ZNF700: variants seen among roughly 807,000 people sequenced by gnomAD.
ZNF700 encodes the protein zinc finger protein 700.
ZNF700 carries 38 observed loss-of-function variants against 65.3 expected under a neutral mutation model. That is an observed-to-expected ratio of 0.58 (90% confidence interval 0.45 to 0.76). The LOEUF (loss-of-function observed/expected upper bound fraction) is 0.76. Ranked by LOEUF, ZNF700 falls within the 30% of genes least tolerant of loss-of-function variation. ZNF700 has a pLI of 0.00. For synonymous variants in ZNF700, 285 were observed against 290.4 expected (o/e 0.98, Z 0.19); for missense variants, 857 against 888.4 (o/e 0.96, Z 0.45).
rs1973023674 is a variant in ZNF700, at chr19:11,949,460, G to A, written c.1436G>A (p.Cys479Tyr). ...TGEKPYECKE[C>Y]GKAFRYVKHL... ...GAGAAACCCTATGAATGTAAGGAAT[G>A]TGGGAAAGCCTTCAGATATGTGAAG... The change falls in exon 4 of 4, where the codon TGT becomes TAT. Residue 479 changes from cysteine to tyrosine, a missense_variant. Cys to Tyr is a radical substitution (Grantham distance 194). This residue lies in a region of ZNF700 where 603 missense variants were observed against 619.9 expected (regional missense o/e 0.97). Coordinates refer to ENST00000254321, the MANE Select transcript of ZNF700 (RefSeq NM_144566.3). The A allele has an allele frequency of 6.2e-7, 1 of 1,613,108 alleles. No individual in the cohort carries two copies. Among genetic ancestry groups the A allele is most frequent in the African/African-American group, 1.3e-5 (1 of 74,774 alleles).
rs1192127015 is a variant in ZNF700, at chr19:11,925,160, A to C, written c.-51A>C. The C allele has an allele frequency of 1.6e-5, 26 of 1,604,168 alleles. No homozygotes were observed. In the Admixed American group the frequency reaches 3.5e-4, roughly 22 times the overall value. On this transcript the variant is annotated 5_prime_UTR_variant, in exon 1 of 4. Transcript: ENST00000254321. ...GTTGGTAACCGGTCAGACCAGCCCG[A>C]GAGGGACCTGGTGCCTGTACCCAGG...
At chr19:11,935,272 T>A (rs1468919223) in intron 1 of ZNF700, among the ~76,000 whole-genome samples, 1 of 139,712 alleles carries the variant, frequency 7.2e-6, no homozygotes, top group Non-Finnish European at 1.5e-5. Context: ...TGTCTGGCTC[T>A]GTTGCCCAGT....
In ZNF700 at chr19:11,948,717, C is replaced by T. The variant is rs1973003750; in HGVS notation, c.693C>T (p.Phe231=). The T allele has an allele frequency of 1.2e-6, 2 of 1,613,116 alleles. No individual in the cohort carries two copies. Among genetic ancestry groups the T allele is most frequent in the Admixed American group, 3.4e-5 (2 of 59,602 alleles). Residue 231 remains phenylalanine (F), a synonymous_variant, in exon 4 of 4, where the codon TTC becomes TTT. Transcript: ENST00000254321. ...AATGTAAATTTTGTGGGAAAGCCTT[C>T]CATTCTTTCAGTTTATATCTTATCC... is the stretch of plus-strand genomic sequence containing the variant. The part of the protein sequence containing the change: ...TYKCKFCGKA[F]HSFSLYLIHE...
chr19:11,943,608 C>T (rs1307616862), intron 1 of ZNF700, among the ~76,000 whole-genome samples: 6 of 152,090 alleles, frequency 3.9e-5, no homozygotes, highest in African/African-American at 4.8e-5. Context: ...CACATCAGGT[C>T]GGGCATTTCC....
At chr19:11,939,534 G>T (rs192776323) in intron 1 of ZNF700, among the ~76,000 whole-genome samples, 1 of 152,286 alleles carries the variant, frequency 6.6e-6, no homozygotes, top group East Asian at 1.9e-4. Flanking sequence ...TCAGATGGTT[G>T]TATATGTGTG....
intron 1 of ZNF700, chr19:11,926,842 A>G (rs1395237842): frequency 1.3e-5 from 2 of 153,004 alleles, no homozygotes; most frequent in Non-Finnish European, 2.9e-5. Flanking sequence ...TCAAGATTTC[A>G]GTTGGAAGAG....
At chr19:11,933,000 G>A (rs1972738026) in intron 1 of ZNF700, among the ~76,000 whole-genome samples, 2 of 148,598 alleles carry the variant, frequency 1.3e-5, no homozygotes, top group Admixed American at 1.3e-4. Flanking sequence ...TGGAATGATA[G>A]TTAATTCACT....
chr19:11,926,226 C>G (rs1972625207), intron 1 of ZNF700, among the ~76,000 whole-genome samples: 1 of 152,154 alleles, frequency 6.6e-6, no homozygotes, highest in South Asian at 2.1e-4. Context: ...TATCTTCTTG[C>G]CACAAGCAGT....
At chr19:11,930,215 C>T (rs1471777170) in intron 1 of ZNF700, among the ~76,000 whole-genome samples, 1 of 148,480 alleles carries the variant, frequency 6.7e-6, no homozygotes, top group Non-Finnish European at 1.5e-5. Context: ...AGACACATGG[C>T]CAATCAGCTA....
chr19:11,925,325 A>AGGCGGGAACCGGCTGT (rs1338907208), intron 1 of ZNF700, 52 bp downstream of exon 1: 2 of 1,602,054 alleles, frequency 1.2e-6, no homozygotes, highest in East Asian at 4.5e-5. Context: ...TGCCTGGAAC[A>AGGCGGGAACCGGCTGT]GGCGGGAACC....
chr19:11,927,627 A>G (rs1212976534), intron 1 of ZNF700, among the ~76,000 whole-genome samples: 2 of 152,160 alleles, frequency 1.3e-5, no homozygotes, highest in Non-Finnish European at 2.9e-5. Flanking sequence ...CAGCATCACA[A>G]AATTTATTAC....
chr19:11,930,020 A>G lies in ZNF700; in HGVS notation c.63+4747A>G. On this transcript the variant is annotated intron_variant, in intron 1 of 3. Coordinates refer to ENST00000254321, the MANE Select transcript of ZNF700 (RefSeq NM_144566.3). ...TTTTAGAACTGCCTGTAGCTGACCCAAGACCCCCACAATTGCCATGTCTCT... is the reference window on the plus strand; with the variant it reads ...TTTTAGAACTGCCTGTAGCTGACCCGAGACCCCCACAATTGCCATGTCTCT... Among the ~76,000 whole-genome samples, 2 of 147,876 alleles carry G rather than the reference A, an allele frequency of 1.4e-5. 1 individual carries two copies. Among genetic ancestry groups the G allele is most frequent in the African/African-American group, 5.3e-5 (2 of 37,676 alleles).
At chr19:11,929,619 G>C (rs1972684750) in intron 1 of ZNF700, among the ~76,000 whole-genome samples, 2 of 147,936 alleles carry the variant, frequency 1.4e-5, no homozygotes, top group African/African-American at 5.3e-5. Context: ...AGGGTCCTTA[G>C]GTAGGACCTT....
chr19:11,950,004 C>A lies in ZNF700; in HGVS notation c.1980C>A (p.Phe660Leu). ...CKECEKAFCK[F>L]SSFQIHERKH... is the part of the protein sequence containing the mutation. ...AATGCGAAAAAGCATTCTGTAAATT[C>A]TCTTCTTTTCAAATACATGAAAGGA... The change falls in exon 4 of 4, where the codon TTC (phenylalanine) becomes TTA (leucine). Residue 660 changes from phenylalanine to leucine, a missense_variant. Transcript: ENST00000254321. 2 of 1,613,910 alleles carry A rather than the reference C, an allele frequency of 1.2e-6. No individual in the cohort carries two copies.
intron 1 of ZNF700, among the ~76,000 whole-genome samples, chr19:11,934,951 C>T (rs1048744360): frequency 4.1e-5 from 6 of 147,106 alleles, no homozygotes; most frequent in Non-Finnish European, 7.4e-5. Flanking sequence ...GAGGCCAAGG[C>T]GGGTGGATCA....
At chr19:11,946,406 T>C (rs984993574) in intron 1 of ZNF700, among the ~76,000 whole-genome samples, 2 of 152,124 alleles carry the variant, frequency 1.3e-5, no homozygotes, top group African/African-American at 4.8e-5. Context: ...TCCTCTGACA[T>C]TGGGTCAGAT....
At chr19:11,930,964 T>C (rs954305780) in intron 1 of ZNF700, among the ~76,000 whole-genome samples, 2 of 144,448 alleles carry the variant, frequency 1.4e-5, no homozygotes, top group African/African-American at 5.6e-5. Context: ...GCGCCATTGC[T>C]CTCTAGCCAG....
intron 1 of ZNF700, among the ~76,000 whole-genome samples, chr19:11,940,283 G>C (rs1972860685): frequency 6.6e-6 from 1 of 152,150 alleles, no homozygotes; most frequent in African/African-American, 2.4e-5. Context: ...GTCCGGAATT[G>C]GTGGGTTCTT....
chr19:11,936,450 A>G lies in ZNF700; in HGVS notation c.64-10731A>G, dbSNP rs527642165. Among the ~76,000 whole-genome samples the G allele has an allele frequency of 2.6e-5, 4 of 152,052 alleles. No homozygotes were observed. The South Asian group carries it at 8.3e-4, about 32-fold the overall frequency. ...TCTCTGATGACCAGTGTTGATGAGC[A>G]TTTTTTCATGTGTCTGTTGGCTGCA... is the stretch of plus-strand genomic sequence containing the variant. On this transcript the variant is annotated intron_variant, in intron 1 of 3. Coordinates refer to ENST00000254321, the MANE Select transcript of ZNF700 (RefSeq NM_144566.3).
Sources: gnomAD v4.1 joint callset for allele counts (sites outside exome capture counted in the v4.1 genomes callset) on GRCh38, gnomAD v4.1.1 for gene constraint, gnomAD v4.1.1 regional missense constraint, MANE v1.5 for transcripts, NCBI Gene and HGNC (gene_info 2026-07-23, HGNC 2026-07-21) for gene names.